The following IL5RA variants were observed in gnomAD, a reference collection of about 807,000 sequenced individuals.
IL5RA encodes interleukin-5 receptor subunit alpha.
A neutral mutation model predicts 50.0 loss-of-function variants in IL5RA; 49 were observed. That is an observed-to-expected ratio of 0.98 (90% CI 0.78 to 1.24). IL5RA has a LOEUF of 1.24. Ranked by LOEUF, IL5RA falls within the 50% of genes most tolerant of loss-of-function variation. IL5RA has a pLI of 0.00. For missense variants in IL5RA, 600 were observed against 500.4 expected, an observed-to-expected ratio of 1.20 and a Z score of -1.90; for synonymous variants, 202 against 174.0, an observed-to-expected ratio of 1.16 and a Z score of -1.26.
intron 9 of IL5RA, among the ~76,000 whole-genome samples, chr3:3,076,993 C>A (rs1031065020): frequency 3.3e-5 from 5 of 152,086 alleles, no homozygotes; most frequent in Non-Finnish European, 5.9e-5. Context: ...GATAGAAAAT[C>A]CACAAAAAGA....
chr3:3,106,966 CTG>C (rs1703952489), intron 2 of IL5RA, among the ~76,000 whole-genome samples: 1 of 152,050 alleles, frequency 6.6e-6, no homozygotes, highest in Non-Finnish European at 1.5e-5. Flanking sequence ...AATGATAAAA[CTG>C]TTGAATATCT....
intron 9 of IL5RA, among the ~76,000 whole-genome samples, chr3:3,082,887 C>T (rs1039026587): frequency 6.6e-6 from 1 of 152,196 alleles, no homozygotes; most frequent in Non-Finnish European, 1.5e-5. Flanking sequence ...TATGAACTTT[C>T]AGTGCTTACA....
rs944910076 is a variant in IL5RA, at chr3:3,069,740, C to G, written c.*485G>C. On this transcript the variant is annotated 3_prime_UTR_variant, in exon 12 of 12. Transcript: ENST00000446632. ...GTGAGGAATTTGTGGCTCTCACTTGCTATAGAAAAGACAGTCTTGAATCCA... is the reference window on the plus strand; with the variant it reads ...GTGAGGAATTTGTGGCTCTCACTTGGTATAGAAAAGACAGTCTTGAATCCA... The G allele has an allele frequency of 6.5e-6, 1 of 153,980 alleles. No homozygotes were observed. The highest frequency in any genetic ancestry group is 1.4e-5 in the Non-Finnish European group (1 of 69,452). The allele number at this position is 153,980 out of a possible 1,614,324, so 9.5% of individuals were successfully genotyped here.
intron 3 of IL5RA, among the ~76,000 whole-genome samples, chr3:3,103,432 T>A (rs957889327): frequency 6.6e-6 from 1 of 152,192 alleles, no homozygotes; most frequent in African/African-American, 2.4e-5. Flanking sequence ...TCAGTGTGCA[T>A]CAAACATAAT....
At position 3,110,059 on chromosome 3, in the gene IL5RA, C is replaced by T. The variant is rs1418866433; in HGVS notation, c.-260G>A. ...GTTCTTCACTCTTTCATCATCACGGCTGTAATGGTTAAAAACTCTCAGGCA... is the reference window on the plus strand; with the variant it reads ...GTTCTTCACTCTTTCATCATCACGGTTGTAATGGTTAAAAACTCTCAGGCA... On this transcript the variant is annotated 5_prime_UTR_variant, in exon 1 of 12. Transcript: ENST00000446632. 6.6e-6 allele frequency: 1 copy of T among 152,184 alleles called. No homozygotes were observed. The highest frequency in any genetic ancestry group is 1.5e-5 in the Non-Finnish European group (1 of 68,044). The allele number at this position is 152,184 out of a possible 1,614,324, so 9.4% of individuals were successfully genotyped here. A position where few individuals can be genotyped will look rare whatever the true frequency, so the allele number is the denominator to read the frequency against.
rs147173056 is a variant in IL5RA, at chr3:3,091,650, C to T, written c.994+574G>A. ...GGGAGGCTGAGACAGGAGAATCGCT[C>T]GAACCCAGGAGGCAGAGGTTGCAGT... is the stretch of plus-strand genomic sequence containing the variant. On this transcript the variant is annotated intron_variant, in intron 9 of 11. Transcript: ENST00000446632. Among the ~76,000 whole-genome samples, 884 of 152,154 alleles carry T rather than the reference C, an allele frequency of 5.8e-3. 6 individuals are homozygous for T. Among genetic ancestry groups the T allele is most frequent in the African/African-American group, 0.02 (825 of 41,500 alleles).
At position 3,092,368 on chromosome 3, in the gene IL5RA, T is replaced by A. The variant is rs1419337429; in HGVS notation, c.856-6A>T. The A allele has an allele frequency of 6.2e-7, 1 of 1,611,794 alleles. No homozygotes were observed. Among genetic ancestry groups the A allele is most frequent in the South Asian group, 1.1e-5 (1 of 91,018 alleles). On this transcript the variant is annotated splice_polypyrimidine_tract_variant and splice_region_variant and intron_variant, in intron 8 of 11. Coordinates refer to ENST00000446632, the MANE Select transcript of IL5RA (RefSeq NM_175726.4). This position sits in a 1 kb window ranked among gnomAD's most constrained non-coding sequence, Gnocchi z 4.2. ...TTGGTCATCAATTTTTCTATCTAAG[T>A]GGGGAAAGATAGCATTAGAAGAATC...
intron 9 of IL5RA, among the ~76,000 whole-genome samples, chr3:3,088,681 C>T (rs1574990099): frequency 2.0e-5 from 3 of 152,180 alleles, no homozygotes; most frequent in African/African-American, 7.2e-5. Context: ...GAAAGCATAA[C>T]TAACTTCTTA....
intron 9 of IL5RA, among the ~76,000 whole-genome samples, chr3:3,079,710 C>T (rs1246352533): frequency 2.6e-5 from 4 of 152,198 alleles, no homozygotes; most frequent in Non-Finnish European, 5.9e-5. Flanking sequence ...TTCATGTACA[C>T]ATACCTTTAA....
rs191257520 is a variant in IL5RA, at chr3:3,067,234, T to A, written c.*2991A>T. The A allele has an allele frequency of 6.6e-6, 1 of 152,188 alleles. No individual in the cohort carries two copies. The highest frequency in any genetic ancestry group is 1.5e-5 in the Non-Finnish European group (1 of 68,044). The allele number at this position is 152,188 out of a possible 1,614,324, so 9.4% of individuals were successfully genotyped here. A position where few individuals can be genotyped will look rare whatever the true frequency, so the allele number is the denominator to read the frequency against. On this transcript the variant is annotated 3_prime_UTR_variant, in exon 12 of 12. Transcript: ENST00000446632. The stretch of plus-strand genomic sequence containing the variant: ...CATCCAGGTTGCAGTAGCCCAGTTG[T>A]TAGGCACATGTGTCTCCTGGTTGCT...
At chr3:3,102,341 T>C (rs1457300472) in intron 4 of IL5RA, among the ~76,000 whole-genome samples, 8 of 152,220 alleles carry the variant, frequency 5.3e-5, no homozygotes, top group African/African-American at 1.9e-4. Flanking sequence ...TCACTTCTTG[T>C]TTTACTAGGC....
intron 9 of IL5RA, among the ~76,000 whole-genome samples, chr3:3,080,300 G>T (rs17878758): frequency 2.0e-5 from 3 of 152,146 alleles, no homozygotes; most frequent in Admixed American, 6.5e-5. Flanking sequence ...ACAGATGGAG[G>T]AACTGAGGCA....
chr3:3,084,491 G>A (rs1702781995), intron 9 of IL5RA, among the ~76,000 whole-genome samples: 1 of 152,190 alleles, frequency 6.6e-6, no homozygotes, highest in Admixed American at 6.5e-5. Context: ...GAAGAACTTG[G>A]ACAGGAACAT....
In IL5RA at chr3:3,103,635, CT is replaced by C. The variant is rs1189478891; in HGVS notation, c.83-816del. Among the ~76,000 whole-genome samples, 8 of 152,300 alleles carry C rather than the reference CT, an allele frequency of 5.3e-5. No homozygotes were observed. In the East Asian group the frequency reaches 1.3e-3, roughly 26 times the overall value. ...TCCCCCTGCATGAGCCATTCTCTGA[CT>C]TTGCTTTCAAAATTAAAGCTTTTGT... is the stretch of plus-strand genomic sequence containing the variant. On this transcript the variant is annotated intron_variant, in intron 3 of 11. Transcript: ENST00000446632.
intron 7 of IL5RA, 60 bp from the exon 8 acceptor site, chr3:3,095,504 A>T: frequency 7.4e-7 from 1 of 1,344,582 alleles, no homozygotes; most frequent in African/African-American, 1.5e-5. Flanking sequence ...CAAAGCTGAT[A>T]ATTCCAATCC....
chr3:3,076,754 G>A (rs1702500038), intron 9 of IL5RA, 127 bp from the exon 10 acceptor site: 3 of 570,844 alleles, frequency 5.3e-6, no homozygotes, highest in Non-Finnish European at 9.4e-6. Flanking sequence ...GTGGTGTTGG[G>A]CAAGTAGCTT....
chr3:3,075,337 G>A (rs967533622), intron 10 of IL5RA, among the ~76,000 whole-genome samples: 12 of 150,596 alleles, frequency 8.0e-5, no homozygotes, highest in East Asian at 2.0e-4. Flanking sequence ...TGAGTAGCTG[G>A]GACTACAGGC....
intron 9 of IL5RA, among the ~76,000 whole-genome samples, chr3:3,079,740 G>A (rs1702600318): frequency 1.3e-5 from 2 of 152,154 alleles, no homozygotes; most frequent in Admixed American, 6.5e-5. Context: ...TTTTAGAAAA[G>A]CAGTGCCTTT....
chr3:3,084,569 G>A (rs1185158506), intron 9 of IL5RA, among the ~76,000 whole-genome samples: 6 of 152,222 alleles, frequency 3.9e-5, no homozygotes, highest in Non-Finnish European at 8.8e-5. Flanking sequence ...GGCTGACAGG[G>A]TCAAGAGCTG....
Sources: gnomAD v4.1 joint callset for allele counts (sites outside exome capture counted in the v4.1 genomes callset) on GRCh38, gnomAD v4.1.1 for gene constraint, Gnocchi (gnomAD v3.1) non-coding constraint, MANE v1.5 for transcripts, NCBI Gene and HGNC (gene_info 2026-07-23, HGNC 2026-07-21) for gene names.